NHEJ1: variants seen among roughly 807,000 people sequenced by gnomAD.
NHEJ1 encodes non-homologous end-joining factor 1.
NHEJ1 carries 22 observed loss-of-function variants against 39.4 expected under a neutral mutation model. The observed-to-expected ratio is 0.56, with a 90% confidence interval of 0.40 to 0.80. NHEJ1 has a LOEUF of 0.80. Among genes scored for constraint, NHEJ1 ranks in the 30% least tolerant of loss-of-function variants. The pLI, the probability that NHEJ1 is intolerant of heterozygous loss-of-function variation, is 0.00. For missense variants in NHEJ1, 329 were observed against 357.1 expected (o/e 0.92, Z 0.63); for synonymous variants, 154 against 135.6 (o/e 1.14, Z -0.94).
intron 1 of NHEJ1, among the ~76,000 whole-genome samples, chr2:219,160,219 C>G (rs756641640): frequency 3.9e-5 from 6 of 152,216 alleles, no homozygotes; most frequent in Non-Finnish European, 7.3e-5. Context: ...CAGCAGTGAC[C>G]CCTCTGGGCA....
At chr2:219,117,073 C>A (rs919856259) in intron 5 of NHEJ1, among the ~76,000 whole-genome samples, 1 of 152,088 alleles carries the variant, frequency 6.6e-6, no homozygotes, top group Non-Finnish European at 1.5e-5. Flanking sequence ...CTAACCTCGG[C>A]TTCACCACCC....
chr2:219,156,917 G>GCCTC (rs1439649862), intron 3 of NHEJ1, among the ~76,000 whole-genome samples: 1 of 151,884 alleles, frequency 6.6e-6, no homozygotes, highest in African/African-American at 2.4e-5. Flanking sequence ...AAGATCCACT[G>GCCTC]CCTCCCTCAT....
Position 219,075,254 on chromosome 2 carries a change from G to A in NHEJ1, c.*1127C>T, listed in dbSNP as rs1949001536. The A allele has an allele frequency of 6.6e-6, 1 of 152,114 alleles. No homozygotes were observed. Among genetic ancestry groups the A allele is most frequent in the African/African-American group, 2.4e-5 (1 of 41,426 alleles). 9.4% of individuals were successfully genotyped at this position (152,114 alleles called of 1,614,324 possible). The stretch of plus-strand genomic sequence containing the variant: ...CATCTTCCTCATATGATGCTATGAG[G>A]ATCAATGTCAAGTGCTCATTAGAGT... On this transcript the variant is annotated 3_prime_UTR_variant, in exon 8 of 8. Transcript: ENST00000356853.
chr2:219,091,202 G>C (rs1022026383), intron 5 of NHEJ1, among the ~76,000 whole-genome samples: 1 of 152,084 alleles, frequency 6.6e-6, no homozygotes, highest in Non-Finnish European at 1.5e-5. Flanking sequence ...GACTAGCCCA[G>C]TTAGATAGGA....
At chr2:219,078,263 T>C in intron 5 of NHEJ1, 57 bp from the exon 6 acceptor site, 1 of 1,403,714 alleles carries the variant, frequency 7.1e-7, no homozygotes, top group Non-Finnish European at 1.0e-6. Context: ...AGAAGCGATC[T>C]AATACCCCAC....
intron 6 of NHEJ1, among the ~76,000 whole-genome samples, chr2:219,077,757 T>A (rs1230658994): frequency 4.6e-5 from 7 of 152,088 alleles, no homozygotes; most frequent in Admixed American, 2.0e-4. Flanking sequence ...GTTACTGGTG[T>A]GAGCCACTGC....
rs1238391504 is a variant in NHEJ1, at chr2:219,071,811, C to T, written c.*4570G>A. ...AGGCTGGCCCAGATTCTTGAGAACC[C>T]ATAAGAGTTGGGTGCTGAGTGGGTG... On this transcript the variant is annotated 3_prime_UTR_variant, in exon 8 of 8. Coordinates refer to ENST00000356853, the MANE Select transcript of NHEJ1 (RefSeq NM_024782.3). 6.6e-6 allele frequency among the ~76,000 whole-genome samples: 1 copy of T among 152,182 alleles called. No homozygotes were observed. The highest frequency in any genetic ancestry group is 1.5e-5 in the Non-Finnish European group (1 of 68,028).
At chr2:219,079,376 C>A (rs1574699202) in intron 5 of NHEJ1, among the ~76,000 whole-genome samples, 1 of 152,124 alleles carries the variant, frequency 6.6e-6, no homozygotes, top group African/African-American at 2.4e-5. Flanking sequence ...GTCAAGGGCA[C>A]CTTTTTGTGC....
intron 5 of NHEJ1, among the ~76,000 whole-genome samples, chr2:219,103,663 C>T (rs1160961013): frequency 2.0e-5 from 3 of 152,192 alleles, no homozygotes; most frequent in African/African-American, 4.8e-5. Context: ...CTTTCAAATG[C>T]TTCTAATGTG....
In NHEJ1 at chr2:219,076,207, G is replaced by A; in HGVS notation, c.*174C>T. 1 of 1,433,038 alleles carries A rather than the reference G, an allele frequency of 7.0e-7. No homozygotes were observed. Among genetic ancestry groups the A allele is most frequent in the South Asian group, 1.3e-5 (1 of 75,494 alleles). The allele number at this position is 1,433,038 out of a possible 1,614,324, so 88.8% of individuals were successfully genotyped here. ...TCAGAGACTGGCTTCCACTTGAACA[G>A]GGAAGGCCAATTCCCTGTGGGCCTG... On this transcript the variant is annotated 3_prime_UTR_variant, in exon 8 of 8. Transcript: ENST00000356853.
At chr2:219,147,510 T>C in intron 4 of NHEJ1, 147 bp downstream of exon 4, 1 of 911,122 alleles carries the variant, frequency 1.1e-6, no homozygotes, top group Non-Finnish European at 1.7e-6. Flanking sequence ...AAGAGTCACC[T>C]AATATCAAGA....
At position 219,077,328 on chromosome 2, in the gene NHEJ1, C is replaced by G. The variant is rs199723096; in HGVS notation, c.743G>C (p.Gly248Ala). The G allele has an allele frequency of 2.9e-5, 47 of 1,613,972 alleles. No individual in the cohort carries two copies. The highest frequency in any genetic ancestry group is 3.6e-5 in the Non-Finnish European group (42 of 1,180,000). ...CTGGTTTACACATTGGCTATCGATT[C>G]CTTGCAGGGAAGCACTGTTTGAGGT... ...PHTSNSASLQ[G>A]IDSQCVNQPE... The change falls in exon 7 of 8, where the codon GGA (glycine) becomes GCA (alanine). Residue 248 changes from glycine to alanine, a missense_variant. By Grantham distance (60) the Gly-to-Ala change is moderately conservative. Coordinates refer to ENST00000356853, the MANE Select transcript of NHEJ1 (RefSeq NM_024782.3).
intron 5 of NHEJ1, among the ~76,000 whole-genome samples, chr2:219,083,919 A>T (rs1375531425): frequency 6.6e-6 from 1 of 152,010 alleles, no homozygotes; most frequent in Non-Finnish European, 1.5e-5. Context: ...CAGGCATTCA[A>T]TACACTCCTT....
At chr2:219,117,888 C>T (rs377280014) in intron 5 of NHEJ1, among the ~76,000 whole-genome samples, 1 of 152,190 alleles carries the variant, frequency 6.6e-6, no homozygotes, top group South Asian at 2.1e-4. Context: ...ACAATAGGTA[C>T]AAAAAGTTGT....
intron 5 of NHEJ1, among the ~76,000 whole-genome samples, chr2:219,125,159 A>G: frequency 6.6e-6 from 1 of 151,878 alleles, no homozygotes; most frequent in African/African-American, 2.4e-5. Context: ...AAGAACTGAT[A>G]GACTTAAAAA....
At chr2:219,101,975 C>T (rs576459595) in intron 5 of NHEJ1, among the ~76,000 whole-genome samples, 48 of 152,062 alleles carry the variant, frequency 3.2e-4, no homozygotes, top group African/African-American at 9.4e-4. Flanking sequence ...CCGCCCGCCT[C>T]GGCTTCCCAA....
chr2:219,155,713 G>A (rs1220823940), intron 3 of NHEJ1, among the ~76,000 whole-genome samples: 2 of 151,908 alleles, frequency 1.3e-5, no homozygotes, highest in Admixed American at 1.3e-4. Context: ...ACGAGGTCAG[G>A]AAATCGAGAC....
At position 219,077,075 on chromosome 2, in the gene NHEJ1, G is replaced by A. The variant is rs1374984368; in HGVS notation, c.825+171C>T. On this transcript the variant is annotated intron_variant, in intron 7 of 7. Transcript: ENST00000356853. ...CAGAGAAGGGACACCAAGGGAAGAT[G>A]TGCAAGACCATGACTCTCCATCTAG... 3.9e-5 allele frequency among the ~76,000 whole-genome samples: 6 copies of A among 152,212 alleles called. No homozygotes were observed. In the East Asian group the frequency reaches 7.7e-4, roughly 20 times the overall value.
At chr2:219,145,932 CA>C (rs941649705) in intron 5 of NHEJ1, among the ~76,000 whole-genome samples, 2 of 121,956 alleles carry the variant, frequency 1.6e-5, no homozygotes, top group Admixed American at 8.8e-5. Context: ...AACTCCATCT[CA>C]AAAAAAAATA....
Sources: allele counts gnomAD v4.1 joint callset (sites outside exome capture counted in the v4.1 genomes callset), GRCh38; gene constraint gnomAD v4.1.1; transcripts MANE v1.5; gene names NCBI Gene and HGNC (gene_info 2026-07-23, HGNC 2026-07-21).